Variants in GRIK3 observed in about 807,000 individuals in gnomAD.
GRIK3 encodes the protein glutamate receptor ionotropic, kainate 3.
In GRIK3, 29 loss-of-function variants were observed where a neutral mutation model predicts 102.5. The ratio of observed to expected loss-of-function variants is 0.28; its 90% CI spans 0.21 to 0.39. The LOEUF (loss-of-function observed/expected upper bound fraction) is 0.39, where lower values mean the gene tolerates loss of function less well. Among genes scored for constraint, GRIK3 ranks in the 10% least tolerant of loss-of-function variants. The pLI is 1.00. For missense variants in GRIK3, 908 were observed against 1,252.4 expected (o/e 0.73, Z 4.15); for synonymous variants, 511 against 504.9 (o/e 1.01, Z -0.16).
chr1:36,876,568 G>A (rs112666594), intron 3 of GRIK3, among the ~76,000 whole-genome samples: 18 of 152,220 alleles, frequency 1.2e-4, no homozygotes, highest in African/African-American at 4.1e-4. Context: ...GTGAGATAAC[G>A]GTTTATTGCT....
chr1:36,906,897 A>C lies in GRIK3; in HGVS notation c.116-15801T>G, dbSNP rs113763779. 4.2e-3 allele frequency among the ~76,000 whole-genome samples: 641 copies of C among 152,340 alleles called. 6 individuals are homozygous for C. The highest frequency in any genetic ancestry group is 0.015 in the African/African-American group (619 of 41,566). On this transcript the variant is annotated intron_variant, in intron 1 of 15. Coordinates refer to ENST00000373091, the MANE Select transcript of GRIK3 (RefSeq NM_000831.4). ...TTATTGTTTATTTCAAAATAGCTAG[A>C]GGAGAATAATTTGAAGGTTTTCAGC... is the stretch of plus-strand genomic sequence containing the variant.
chr1:36,858,717 GC>G (rs1640682514), intron 7 of GRIK3, among the ~76,000 whole-genome samples: 2 of 152,170 alleles, frequency 1.3e-5, no homozygotes, highest in Non-Finnish European at 2.9e-5. Context: ...CATCTCACAT[GC>G]CCACGAGGTA....
chr1:37,030,529 TTCC>T (rs1413182264), intron 1 of GRIK3, among the ~76,000 whole-genome samples: 3 of 117,344 alleles, frequency 2.6e-5, no homozygotes, highest in South Asian at 6.1e-4. Context: ...ACCCTTCCTT[TTCC>T]CCACCCCCCA....
intron 1 of GRIK3, among the ~76,000 whole-genome samples, chr1:36,976,071 A>G (rs1642193337): frequency 1.3e-5 from 2 of 152,168 alleles, no homozygotes; most frequent in African/African-American, 4.8e-5. Context: ...AAGACCTGTG[A>G]TGTGTTCTGG....
rs1640429231 is a variant in GRIK3 at position 36,840,174 on chromosome 1, G to C, written c.1530+1562C>G. ...CCTCAGTCTCCCTATCTGTAAAATGGGTGTTAATAACAGTACCTACCTCAC... is the reference window on the plus strand; with the variant it reads ...CCTCAGTCTCCCTATCTGTAAAATGCGTGTTAATAACAGTACCTACCTCAC... On this transcript the variant is annotated intron_variant, in intron 10 of 15. Transcript: ENST00000373091. 2.0e-5 allele frequency among the ~76,000 whole-genome samples: 3 copies of C among 151,378 alleles called. No individual in the cohort carries two copies. The South Asian group carries it at 6.2e-4, about 31-fold the overall frequency.
intron 1 of GRIK3, among the ~76,000 whole-genome samples, chr1:36,895,394 G>T (rs149539847): frequency 6.6e-6 from 1 of 152,046 alleles, no homozygotes. Context: ...AAAGAGGACA[G>T]CATGCAAGAA....
At chr1:36,926,824 A>G (rs917765546) in intron 1 of GRIK3, among the ~76,000 whole-genome samples, 5 of 152,138 alleles carry the variant, frequency 3.3e-5, no homozygotes, top group African/African-American at 1.2e-4. Context: ...TTTTGATCTC[A>G]AGAAAAGATA....
intron 1 of GRIK3, among the ~76,000 whole-genome samples, chr1:37,025,168 C>G (rs1642754036): frequency 6.6e-6 from 1 of 152,186 alleles, no homozygotes; most frequent in African/African-American, 2.4e-5. Flanking sequence ...AAAACATCTG[C>G]AGTAAAGCAT....
intron 1 of GRIK3, among the ~76,000 whole-genome samples, chr1:36,977,687 C>T (rs1368468411): frequency 6.6e-6 from 1 of 152,220 alleles, no homozygotes; most frequent in Admixed American, 6.5e-5. Flanking sequence ...GGGGAGGCTG[C>T]CCTGCCTTGC....
chr1:37,007,568 G>T (rs997824492), intron 1 of GRIK3, among the ~76,000 whole-genome samples: 1 of 152,220 alleles, frequency 6.6e-6, no homozygotes, highest in East Asian at 1.9e-4. Context: ...ACCGGGCCTG[G>T]CTGGGGATGG....
intron 15 of GRIK3, chr1:36,804,776 TG>T: frequency 1.6e-6 from 1 of 607,328 alleles, no homozygotes; most frequent in Non-Finnish European, 2.9e-6. Context: ...CAGGAGGTGA[TG>T]GGGCTTGGCC....
chr1:36,983,146 G>A lies in GRIK3; in HGVS notation c.115+50848C>T, dbSNP rs115628560. Among the ~76,000 whole-genome samples, 453 of 152,200 alleles carry A rather than the reference G, an allele frequency of 3.0e-3. 2 individuals are homozygous for A. Among genetic ancestry groups the A allele is most frequent in the African/African-American group, 0.01 (436 of 41,526 alleles). ...GCATGTGCACACCCGAGCAGCATGC[G>A]GAGTCTTCCCGACACCGACACCGAG... On this transcript the variant is annotated intron_variant, in intron 1 of 15. Coordinates refer to ENST00000373091, the MANE Select transcript of GRIK3 (RefSeq NM_000831.4).
intron 1 of GRIK3, among the ~76,000 whole-genome samples, chr1:36,940,290 C>T (rs898714326): frequency 1.7e-4 from 26 of 152,234 alleles, no homozygotes; most frequent in Admixed American, 6.5e-5. Flanking sequence ...CACAGAGGCC[C>T]TATGGCTCTA....
intron 5 of GRIK3, among the ~76,000 whole-genome samples, chr1:36,863,614 G>A (rs1318376705): frequency 6.6e-6 from 1 of 152,126 alleles, no homozygotes; most frequent in Non-Finnish European, 1.5e-5. Flanking sequence ...AAGAATGCTT[G>A]TCTTCTTGAC....
At chr1:36,882,649 G>A (rs1303972867) in intron 2 of GRIK3, among the ~76,000 whole-genome samples, 8 of 152,154 alleles carry the variant, frequency 5.3e-5, no homozygotes, top group African/African-American at 1.9e-4. Flanking sequence ...TTGTGGGCCA[G>A]TCAGAGCCAG....
At chr1:36,860,520 C>T (rs556243123) in intron 5 of GRIK3, among the ~76,000 whole-genome samples, 4 of 152,324 alleles carry the variant, frequency 2.6e-5, no homozygotes, top group South Asian at 2.1e-4. Flanking sequence ...CCTTTTCCCC[C>T]GATCCCAGCC....
chr1:36,900,700 A>G (rs1329084634), intron 1 of GRIK3, among the ~76,000 whole-genome samples: 2 of 152,174 alleles, frequency 1.3e-5, no homozygotes, highest in African/African-American at 4.8e-5. Context: ...AATAATAAAA[A>G]TTAGATCTGA....
At chr1:36,879,031 C>A (rs2124261038) in intron 3 of GRIK3, among the ~76,000 whole-genome samples, 1 of 152,192 alleles carries the variant, frequency 6.6e-6, no homozygotes, top group South Asian at 2.1e-4. Context: ...GCGGTCAGTG[C>A]CCTCAGTGGC....
chr1:36,959,323 TCTGTGTGCCCGGTGAGC>T, intron 1 of GRIK3, among the ~76,000 whole-genome samples: 1 of 119,222 alleles, frequency 8.4e-6, no homozygotes, highest in African/African-American at 3.0e-5. Context: ...GCCCCATGAC[TCTGTGTGCCCGGTGAGC>T]CTGTGTGTCC....
Sources: gnomAD v4.1 joint callset for allele counts (sites outside exome capture counted in the v4.1 genomes callset) on GRCh38, gnomAD v4.1.1 for gene constraint, MANE v1.5 for transcripts, NCBI Gene and HGNC (gene_info 2026-07-23, HGNC 2026-07-21) for gene names.